The following TTC28 variants were observed in gnomAD, a reference collection of about 807,000 sequenced individuals.
The protein encoded by TTC28 is tetratricopeptide repeat domain 28, also known as tetratricopeptide repeat protein 28.
In TTC28, 61 loss-of-function variants were observed where a neutral mutation model predicts 198.0. That is an observed-to-expected ratio of 0.31 (90% CI 0.25 to 0.38). The LOEUF (loss-of-function observed/expected upper bound fraction) is 0.38. Among genes scored for constraint, TTC28 ranks in the 10% least tolerant of loss-of-function variants. The pLI, the probability that TTC28 is intolerant of heterozygous loss-of-function variation, is 1.00. For synonymous variants in TTC28, 1,171 were observed against 1,297.8 expected (o/e 0.90, Z 2.10); for missense variants, 2,678 against 3,164.0 (o/e 0.85, Z 3.69).
At chr22:28,519,766 CT>C (rs1179563663) in intron 2 of TTC28, among the ~76,000 whole-genome samples, 2 of 152,222 alleles carry the variant, frequency 1.3e-5, no homozygotes, top group African/African-American at 2.4e-5. Context: ...CTCCTGCCTC[CT>C]TGTTAGTCAA....
chr22:28,420,055 G>T (rs180929698), intron 2 of TTC28, among the ~76,000 whole-genome samples: 2 of 152,222 alleles, frequency 1.3e-5, no homozygotes, highest in Admixed American at 6.5e-5. Context: ...TTACATTTTT[G>T]ATTGCTTGGC....
At position 28,336,980 on chromosome 22, in the gene TTC28, G is replaced by A. The variant is rs529419767; in HGVS notation, c.382-30337C>T. Among the ~76,000 whole-genome samples the A allele has an allele frequency of 2.1e-3, 320 of 152,248 alleles. 3 individuals are homozygous for A. Among genetic ancestry groups the A allele is most frequent in the South Asian group, 9.4e-3 (45 of 4,806 alleles). On this transcript the variant is annotated intron_variant, in intron 2 of 22. Transcript: ENST00000397906. The stretch of plus-strand genomic sequence containing the variant: ...CTGCTTTCTCTTGTGGGCATTTAGT[G>A]CTATAAATTTCCCTCTACACACTGC...
chr22:28,678,518 C>A (rs889963592), intron 1 of TTC28, among the ~76,000 whole-genome samples: 11 of 152,188 alleles, frequency 7.2e-5, no homozygotes, highest in Non-Finnish European at 7.3e-5. Flanking sequence ...GCCACCGCAC[C>A]CGGCCTAGTG....
chr22:28,087,930 A>C (rs1029912887), intron 12 of TTC28, among the ~76,000 whole-genome samples: 35 of 152,220 alleles, frequency 2.3e-4, no homozygotes, highest in Non-Finnish European at 4.1e-4. Context: ...AAAGAGAATA[A>C]AATACCTAGG....
intron 2 of TTC28, among the ~76,000 whole-genome samples, chr22:28,499,391 A>G (rs1033050961): frequency 1.3e-5 from 2 of 152,208 alleles, no homozygotes; most frequent in Non-Finnish European, 2.9e-5. Flanking sequence ...TGTAATTTTC[A>G]CATCCTTCAT....
intron 2 of TTC28, among the ~76,000 whole-genome samples, chr22:28,521,941 G>A (rs760427035): frequency 6.6e-5 from 10 of 152,128 alleles, no homozygotes; most frequent in Non-Finnish European, 1.3e-4. Context: ...TTAGCTCAAG[G>A]CTCTGATTGG....
chr22:28,260,516 C>G (rs1931243457), intron 5 of TTC28, among the ~76,000 whole-genome samples: 1 of 152,122 alleles, frequency 6.6e-6, no homozygotes, highest in African/African-American at 2.4e-5. Flanking sequence ...AGTCTTCAAC[C>G]TAGCCTTCTA....
At chr22:28,510,717 T>C (rs1180456318) in intron 2 of TTC28, among the ~76,000 whole-genome samples, 3 of 152,136 alleles carry the variant, frequency 2.0e-5, no homozygotes, top group African/African-American at 7.2e-5. Flanking sequence ...AGTCAAATTA[T>C]CTTCGTTTGC....
At chr22:28,622,409 CAG>C (rs1045261982) in intron 2 of TTC28, among the ~76,000 whole-genome samples, 1 of 151,848 alleles carries the variant, frequency 6.6e-6, no homozygotes, top group African/African-American at 2.4e-5. Context: ...ACTTAAGAAA[CAG>C]AGTTTGCAGT....
At chr22:28,117,242 C>T (rs1942657542) in intron 6 of TTC28, among the ~76,000 whole-genome samples, 1 of 152,188 alleles carries the variant, frequency 6.6e-6, no homozygotes, top group Non-Finnish European at 1.5e-5. Context: ...CTAAGGCAGG[C>T]TTAGATTAGT....
At position 27,991,203 on chromosome 22, in the gene TTC28, G is replaced by A. The variant is rs8135718; in HGVS notation, c.5554-391C>T. On this transcript the variant is annotated intron_variant, in intron 19 of 22. Coordinates refer to ENST00000397906, the MANE Select transcript of TTC28 (RefSeq NM_001145418.2). ...GGCAGCCTCGGGACATGTCCCTAGGGCCCAACAGCGTATCAGGCAGAAAGT... is the reference window on the plus strand; with the variant it reads ...GGCAGCCTCGGGACATGTCCCTAGGACCCAACAGCGTATCAGGCAGAAAGT... Among the ~76,000 whole-genome samples the A allele has an allele frequency of 9.4e-3, 1,427 of 152,306 alleles. 25 individuals are homozygous for A. The highest frequency in any genetic ancestry group is 0.032 in the African/African-American group (1,327 of 41,556).
At chr22:28,335,059 A>G (rs566904349) in intron 2 of TTC28, among the ~76,000 whole-genome samples, 9 of 152,262 alleles carry the variant, frequency 5.9e-5, no homozygotes, top group African/African-American at 2.2e-4. Context: ...ATCCAGTTTC[A>G]GCTTTCTACA....
intron 12 of TTC28, among the ~76,000 whole-genome samples, chr22:28,080,693 T>C (rs565957060): frequency 6.6e-6 from 1 of 152,298 alleles, no homozygotes; most frequent in African/African-American, 2.4e-5. Context: ...AAGTTTGAAG[T>C]AGTCCCTTTT....
intron 2 of TTC28, among the ~76,000 whole-genome samples, chr22:28,524,229 G>A (rs756594179): frequency 2.0e-4 from 30 of 152,094 alleles, no homozygotes; most frequent in Middle Eastern, 3.4e-3. Context: ...AGGCCAAGAC[G>A]GGCAGATCAC....
intron 2 of TTC28, among the ~76,000 whole-genome samples, chr22:28,568,054 G>C (rs559383735): frequency 1.3e-5 from 2 of 152,140 alleles, no homozygotes; most frequent in East Asian, 3.9e-4. Flanking sequence ...GGGAAAACAA[G>C]GTTTTACAAG....
At chr22:28,239,573 C>T (rs1929511636) in intron 5 of TTC28, among the ~76,000 whole-genome samples, 1 of 152,128 alleles carries the variant, frequency 6.6e-6, no homozygotes. Context: ...TTAAACAAAA[C>T]AGTTTTACCA....
In TTC28 at chr22:28,186,053, C is replaced by G. The variant is rs535732013; in HGVS notation, c.934-22454G>C. ...TAAGTGCTTAGAATAGCTTAGCAAG[C>G]AAATGTTTCTAATTTGCAATTTTTT... On this transcript the variant is annotated intron_variant, in intron 5 of 22. Coordinates refer to ENST00000397906, the MANE Select transcript of TTC28 (RefSeq NM_001145418.2). 8.5e-5 allele frequency among the ~76,000 whole-genome samples: 13 copies of G among 152,146 alleles called. No individual in the cohort carries two copies. The South Asian group carries it at 2.7e-3, about 32-fold the overall frequency.
chr22:28,164,358 T>C (rs1411132034), intron 5 of TTC28, among the ~76,000 whole-genome samples: 1 of 152,134 alleles, frequency 6.6e-6, no homozygotes, highest in Admixed American at 6.5e-5. Flanking sequence ...CAAGTGGGTC[T>C]CTGAACCCCG....
At chr22:28,191,870 A>G (rs955487657) in intron 5 of TTC28, among the ~76,000 whole-genome samples, 14 of 152,216 alleles carry the variant, frequency 9.2e-5, no homozygotes, top group African/African-American at 3.4e-4. Context: ...GGAGCAGGGC[A>G]TTGCCAAACA....
Sources: gnomAD v4.1 joint callset for allele counts (sites outside exome capture counted in the v4.1 genomes callset) on GRCh38, gnomAD v4.1.1 for gene constraint, MANE v1.5 for transcripts, NCBI Gene and HGNC (gene_info 2026-07-23, HGNC 2026-07-21) for gene names.